EYS: variants seen among roughly 807,000 people sequenced by gnomAD.
The protein encoded by EYS is protein eyes shut homolog.
Under a neutral mutation model 282.1 loss-of-function variants are expected in EYS, and 250 were observed. The observed-to-expected ratio is 0.89, with a 90% CI of 0.80 to 0.98. The LOEUF (loss-of-function observed/expected upper bound fraction) is 0.98. Ranked by LOEUF, EYS falls within the 50% of genes least tolerant of loss-of-function variation. The pLI is 0.00. For synonymous variants in EYS, 1,355 were observed against 1,282.9 expected, an observed-to-expected ratio of 1.06 and a Z score of -1.20; for missense variants, 4,016 against 3,709.0, an observed-to-expected ratio of 1.08 and a Z score of -2.15.
chr6:64,183,607 A>T (rs1764849222), intron 31 of EYS, among the ~76,000 whole-genome samples: 1 of 152,204 alleles, frequency 6.6e-6, no homozygotes, highest in South Asian at 2.1e-4. Context: ...GTGAAACATG[A>T]CTTATAAACT....
intron 8 of EYS, among the ~76,000 whole-genome samples, chr6:65,354,083 T>G (rs1313575352): frequency 1.3e-5 from 2 of 152,164 alleles, no homozygotes; most frequent in Non-Finnish European, 2.9e-5. Flanking sequence ...TTGTTTATGG[T>G]AATCTCCAGC....
At chr6:65,387,617 G>C (rs1765851602) in intron 7 of EYS, among the ~76,000 whole-genome samples, 1 of 151,646 alleles carries the variant, frequency 6.6e-6, no homozygotes, top group Admixed American at 6.6e-5. Flanking sequence ...GTATACTTTT[G>C]CTTAAAGTTT....
intron 2 of EYS, among the ~76,000 whole-genome samples, chr6:65,554,762 T>G (rs1335092359): frequency 1.3e-5 from 2 of 152,136 alleles, no homozygotes; most frequent in African/African-American, 4.8e-5. Flanking sequence ...CCCTGATTCA[T>G]AAAATGGCAC....
chr6:64,434,046 G>C (rs779964700), intron 28 of EYS, among the ~76,000 whole-genome samples: 4 of 151,904 alleles, frequency 2.6e-5, no homozygotes, highest in Non-Finnish European at 4.4e-5. Context: ...TTGGAAATAG[G>C]GTCTTCAGAG....
At chr6:65,584,272 A>G (rs1301884456) in intron 2 of EYS, among the ~76,000 whole-genome samples, 1 of 152,106 alleles carries the variant, frequency 6.6e-6, no homozygotes, top group African/African-American at 2.4e-5. Context: ...ACAGTTGAAG[A>G]CATTGTTTAT....
At chr6:64,962,259 A>C (rs1235576671) in intron 14 of EYS, among the ~76,000 whole-genome samples, 1 of 152,114 alleles carries the variant, frequency 6.6e-6, no homozygotes, top group African/African-American at 2.4e-5. Flanking sequence ...ACTAGTAGTA[A>C]ATGAGATGGT....
intron 21 of EYS, among the ~76,000 whole-genome samples, chr6:64,814,922 G>T (rs910621696): frequency 6.6e-5 from 10 of 152,036 alleles, no homozygotes; most frequent in Middle Eastern, 3.4e-3. Context: ...TGACACCTAT[G>T]CTTACAAATA....
At chr6:65,654,152 A>C (rs1418082446) in intron 1 of EYS, among the ~76,000 whole-genome samples, 1 of 151,886 alleles carries the variant, frequency 6.6e-6, no homozygotes, top group Non-Finnish European at 1.5e-5. Flanking sequence ...TACTCATTTC[A>C]TTATTTATTA....
At chr6:65,561,240 G>A (rs1187659625) in intron 2 of EYS, among the ~76,000 whole-genome samples, 1 of 152,032 alleles carries the variant, frequency 6.6e-6, no homozygotes, top group African/African-American at 2.4e-5. Flanking sequence ...ACTCCATGTT[G>A]GATATTTTCA....
At chr6:65,103,285 T>C (rs1257590676) in intron 12 of EYS, among the ~76,000 whole-genome samples, 3 of 151,580 alleles carry the variant, frequency 2.0e-5, no homozygotes, top group South Asian at 2.1e-4. Flanking sequence ...ATAAGTCTTA[T>C]GCTATAACAA....
intron 22 of EYS, among the ~76,000 whole-genome samples, chr6:64,627,228 T>C (rs1456464508): frequency 6.6e-6 from 1 of 152,108 alleles, no homozygotes; most frequent in East Asian, 1.9e-4. Context: ...CTGAGCCCAG[T>C]TGGGAAAATA....
intron 29 of EYS, among the ~76,000 whole-genome samples, chr6:64,388,373 A>C (rs1038553067): frequency 3.3e-5 from 5 of 152,170 alleles, no homozygotes; most frequent in South Asian, 2.1e-4. Context: ...TATCCAGTGA[A>C]AATCACTATC....
intron 1 of EYS, among the ~76,000 whole-genome samples, chr6:65,692,887 CT>C (rs1562332080): frequency 2.7e-5 from 4 of 150,020 alleles, no homozygotes. Context: ...TTATATTTTA[CT>C]TTTTAGAATT....
At chr6:63,916,845 C>T (rs1231351236) in intron 35 of EYS, among the ~76,000 whole-genome samples, 3 of 152,220 alleles carry the variant, frequency 2.0e-5, no homozygotes, top group South Asian at 2.1e-4. Flanking sequence ...TTGCTGGAGT[C>T]GATGGAGAAA....
chr6:64,821,882 GA>G (rs1205418499), intron 20 of EYS, among the ~76,000 whole-genome samples, 159 bp from the exon 21 acceptor site: 3 of 151,950 alleles, frequency 2.0e-5, no homozygotes, highest in African/African-American at 7.2e-5. Context: ...TCTTATCCTT[GA>G]AGGTGACTGG....
At chr6:63,841,800 C>T (rs1051797796) in intron 36 of EYS, among the ~76,000 whole-genome samples, 1 of 152,114 alleles carries the variant, frequency 6.6e-6, no homozygotes, top group Non-Finnish European at 1.5e-5. Flanking sequence ...TGATGTTCCC[C>T]TCCCTCTGCC....
chr6:63,774,682 T>C (rs1277373285), intron 40 of EYS, among the ~76,000 whole-genome samples: 1 of 152,172 alleles, frequency 6.6e-6, no homozygotes, highest in African/African-American at 2.4e-5. Flanking sequence ...TATATATATT[T>C]TGAAACATCA....
chr6:65,192,744 C>T (rs1038059033), intron 12 of EYS, among the ~76,000 whole-genome samples: 2 of 151,680 alleles, frequency 1.3e-5, no homozygotes, highest in Non-Finnish European at 2.9e-5. Flanking sequence ...ACTGGGTTAG[C>T]TCTTGCAATA....
At chr6:65,141,263 G>A (rs1053662575) in intron 12 of EYS, among the ~76,000 whole-genome samples, 3 of 151,978 alleles carry the variant, frequency 2.0e-5, no homozygotes, top group African/African-American at 7.2e-5. Context: ...AACACCGCAT[G>A]TTCTCACTCA....
Sources: gnomAD v4.1 joint callset for allele counts (sites outside exome capture counted in the v4.1 genomes callset) on GRCh38, gnomAD v4.1.1 for gene constraint, MANE v1.5 for transcripts, NCBI Gene and HGNC (gene_info 2026-07-23, HGNC 2026-07-21) for gene names.